The following PBRM1 variants were observed in gnomAD, a reference collection of about 807,000 sequenced individuals.
PBRM1 encodes polybromo 1.
Under a neutral mutation model 194.5 loss-of-function variants are expected in PBRM1, and 27 were observed. The observed-to-expected ratio is 0.14, with a 90% CI of 0.10 to 0.19. PBRM1 has a LOEUF of 0.19. PBRM1 is among the 10% of genes least tolerant of loss of function. The pLI is 1.00. For synonymous variants in PBRM1, 655 were observed against 693.2 expected, an observed-to-expected ratio of 0.94 and a Z score of 0.87; for missense variants, 1,466 against 2,077.2, an observed-to-expected ratio of 0.71 and a Z score of 5.72.
chr3:52,578,522 C>A (rs1271973061), intron 21 of PBRM1, among the ~76,000 whole-genome samples: 1 of 152,210 alleles, frequency 6.6e-6, no homozygotes, highest in Non-Finnish European at 1.5e-5. Flanking sequence ...CAACCCTATA[C>A]CAGACTCTGC....
At chr3:52,597,938 A>G (rs1324060947) in intron 17 of PBRM1, among the ~76,000 whole-genome samples, 3 of 152,174 alleles carry the variant, frequency 2.0e-5, no homozygotes, top group African/African-American at 7.2e-5. Context: ...TCCTGACCTC[A>G]GGTGATCTAC....
At chr3:52,648,108 TA>T (rs2096380058) in intron 7 of PBRM1, among the ~76,000 whole-genome samples, 1 of 151,998 alleles carries the variant, frequency 6.6e-6, no homozygotes, top group Non-Finnish European at 1.5e-5. Flanking sequence ...GGGGTTTCAC[TA>T]TGTTGGCCAG....
At chr3:52,567,565 C>CGAA (rs1553715174) in intron 22 of PBRM1, among the ~76,000 whole-genome samples, 1 of 91,710 alleles carries the variant, frequency 1.1e-5, no homozygotes, top group African/African-American at 4.4e-5. Flanking sequence ...TAGGTAATCT[C>CGAA]AAAAAAAAAA....
intron 11 of PBRM1, among the ~76,000 whole-genome samples, chr3:52,634,137 A>G (rs1030745098): frequency 6.6e-6 from 1 of 152,178 alleles, no homozygotes; most frequent in African/African-American, 2.4e-5. Context: ...TTGCTCAGTT[A>G]TAAGATAATG....
chr3:52,668,949 C>T (rs1394858659), intron 2 of PBRM1, among the ~76,000 whole-genome samples: 1 of 152,106 alleles, frequency 6.6e-6, no homozygotes, highest in Admixed American at 6.6e-5. Flanking sequence ...CAACGCTAAA[C>T]CCATGTCAAT....
chr3:52,603,442 C>T, intron 17 of PBRM1, 79 bp downstream of exon 19: 1 of 1,454,926 alleles, frequency 6.9e-7, no homozygotes, highest in Non-Finnish European at 9.2e-7. Context: ...ACAAACAGGA[C>T]TCTTTTCCAC....
At chr3:52,679,879 C>A (rs1410551745), upstream of PBRM1, among the ~76,000 whole-genome samples, 1 of 150,506 alleles carries the variant, frequency 6.6e-6, no homozygotes, top group East Asian at 1.9e-4. Context: ...TTTTTTTAAG[C>A]CCTGGACTTC....
chr3:52,627,381 G>T lies in PBRM1; in HGVS notation c.1444-11C>A. 1 of 1,562,006 alleles carries T rather than the reference G, an allele frequency of 6.4e-7. No homozygotes were observed. The highest frequency in any genetic ancestry group is 8.8e-7 in the Non-Finnish European group (1 of 1,132,808). ...CTCTTTCTTCTTTGCCTAAAACAGAGCAGATCTCAGGAGTTGAGCTCATGT... is the reference window on the plus strand; with the variant it reads ...CTCTTTCTTCTTTGCCTAAAACAGATCAGATCTCAGGAGTTGAGCTCATGT... On this transcript the variant is annotated splice_polypyrimidine_tract_variant and intron_variant, in intron 12 of 29. Transcript: ENST00000296302.
chr3:52,601,681 T>C (rs1325053984), intron 17 of PBRM1, among the ~76,000 whole-genome samples: 1 of 151,110 alleles, frequency 6.6e-6, no homozygotes. Context: ...GGCCCCAGAG[T>C]GGTGTATACT....
chr3:52,636,514 T>C (rs1242688899), intron 10 of PBRM1, among the ~76,000 whole-genome samples: 2 of 151,274 alleles, frequency 1.3e-5, no homozygotes, highest in Non-Finnish European at 2.9e-5. Context: ...TCCCAGCACT[T>C]TGGGAGGCCA....
At chr3:52,565,344 A>G (rs2084838432) in intron 22 of PBRM1, among the ~76,000 whole-genome samples, 1 of 151,742 alleles carries the variant, frequency 6.6e-6, no homozygotes, top group South Asian at 2.1e-4. Context: ...CGTCTCTACT[A>G]AAAATACAAA....
intron 6 of PBRM1, among the ~76,000 whole-genome samples, chr3:52,649,928 T>C (rs1406479397): frequency 1.3e-5 from 2 of 152,084 alleles, no homozygotes; most frequent in African/African-American, 4.8e-5. Context: ...AAGAGAAGAC[T>C]GGGGCTGAGA....
At chr3:52,555,413 T>C (rs978334792) in intron 26 of PBRM1, among the ~76,000 whole-genome samples, 2 of 152,210 alleles carry the variant, frequency 1.3e-5, no homozygotes, top group Admixed American at 6.5e-5. Context: ...CATCTACTCC[T>C]CCTTTCTAGC....
intron 10 of PBRM1, among the ~76,000 whole-genome samples, chr3:52,639,875 T>C (rs777570494): frequency 7.2e-5 from 11 of 152,146 alleles, no homozygotes; most frequent in Non-Finnish European, 1.5e-4. Flanking sequence ...CAGCCTGCAT[T>C]GTTTTAAGCC....
chr3:52,585,678 C>A (rs545052995), intron 20 of PBRM1: 2 of 152,292 alleles, frequency 1.3e-5, no homozygotes, highest in Admixed American at 6.5e-5. Flanking sequence ...CACCCACCAC[C>A]TCACCCAGCT....
At chr3:52,628,427 C>T (rs2095512492) in intron 12 of PBRM1, among the ~76,000 whole-genome samples, 2 of 147,082 alleles carry the variant, frequency 1.4e-5, no homozygotes, top group African/African-American at 5.0e-5. Flanking sequence ...TATTATAATA[C>T]ATAAGTATAA....
At chr3:52,589,278 T>A (rs376804255) in intron 17 of PBRM1, 23 bp from the exon 20 acceptor site, 1 of 1,485,082 alleles carries the variant, frequency 6.7e-7, no homozygotes, top group Non-Finnish European at 9.0e-7. Flanking sequence ...AATAAATAAA[T>A]AAAGGAAAAA....
At chr3:52,668,677 TA>T in intron 2 of PBRM1, 32 bp from the exon 4 acceptor site, 1 of 1,346,838 alleles carries the variant, frequency 7.4e-7, no homozygotes, top group Non-Finnish European at 1.0e-6. Context: ...TAAAGGAGAT[TA>T]ATCTGAAGCT....
intron 25 of PBRM1, chr3:52,560,846 T>C (rs2083352549): frequency 6.6e-6 from 1 of 152,118 alleles, no homozygotes. Flanking sequence ...AGAAGTTTCT[T>C]TGGAGACTTC....
Sources: gnomAD v4.1 joint callset for allele counts (sites outside exome capture counted in the v4.1 genomes callset) on GRCh38, gnomAD v4.1.1 for gene constraint, MANE v1.5 for transcripts, NCBI Gene and HGNC (gene_info 2026-07-23, HGNC 2026-07-21) for gene names.